Variants in SLC35F4 observed in about 807,000 individuals in gnomAD.
SLC35F4 encodes chromosome 14 open reading frame 36.
SLC35F4 carries 24 observed loss-of-function variants against 44.2 expected under a neutral mutation model. The ratio of observed to expected loss-of-function variants is 0.54; its 90% confidence interval spans 0.39 to 0.76. SLC35F4 has a LOEUF of 0.76. Among genes scored for constraint, SLC35F4 ranks in the 30% least tolerant of loss-of-function variants. The pLI, the probability that SLC35F4 is intolerant of heterozygous loss-of-function variation, is 0.00. For synonymous variants in SLC35F4, 238 were observed against 223.6 expected, an observed-to-expected ratio of 1.06 and a Z score of -0.57; for missense variants, 562 against 586.1, an observed-to-expected ratio of 0.96 and a Z score of 0.42.
chr14:57,589,572 T>C lies in SLC35F4; in HGVS notation c.290-59A>G, dbSNP rs2070025157. The C allele has an allele frequency of 7.5e-6, 11 of 1,475,380 alleles. No homozygotes were observed. In the East Asian group the frequency reaches 2.5e-4, roughly 34 times the overall value. The allele number at this position is 1,475,380 out of a possible 1,614,324, so 91.4% of individuals were successfully genotyped here. On this transcript the variant is annotated intron_variant, in intron 2 of 7. Coordinates refer to ENST00000556826, the MANE Select transcript of SLC35F4 (RefSeq NM_001306087.2). ...AGCAGGTTATGAAACAGCAATCAAA[T>C]ATATCAGCTCCTTAAAAAAGATGGA...
At chr14:57,632,269 T>C (rs938096937) in intron 1 of SLC35F4, among the ~76,000 whole-genome samples, 3 of 152,098 alleles carry the variant, frequency 2.0e-5, no homozygotes, top group African/African-American at 7.2e-5. Flanking sequence ...TTTTCTTTCT[T>C]ATAGAAGCCT....
chr14:57,897,442 C>A (rs550938802), intron 1 of SLC35F4, among the ~76,000 whole-genome samples: 4 of 152,030 alleles, frequency 2.6e-5, no homozygotes, highest in African/African-American at 9.6e-5. Flanking sequence ...CACAAACCAT[C>A]CTTTATGATA....
chr14:57,791,703 T>G (rs1041372353), intron 1 of SLC35F4, among the ~76,000 whole-genome samples: 1 of 152,120 alleles, frequency 6.6e-6, no homozygotes, highest in Non-Finnish European at 1.5e-5. Context: ...AGCAAAGACT[T>G]GGAACCAACC....
chr14:57,779,493 G>A (rs2077567167), intron 1 of SLC35F4, among the ~76,000 whole-genome samples: 1 of 149,786 alleles, frequency 6.7e-6, no homozygotes, highest in South Asian at 2.1e-4. Flanking sequence ...AGTAATAAAT[G>A]TACCAGATGT....
intron 1 of SLC35F4, among the ~76,000 whole-genome samples, chr14:57,601,142 T>C (rs1308633882): frequency 1.3e-5 from 2 of 151,954 alleles, no homozygotes; most frequent in African/African-American, 2.4e-5. Context: ...ATATTATCTA[T>C]ATTTTTGTAT....
chr14:57,879,475 A>G (rs1888472984), intron 1 of SLC35F4, among the ~76,000 whole-genome samples: 1 of 151,804 alleles, frequency 6.6e-6, no homozygotes, highest in African/African-American at 2.4e-5. Flanking sequence ...TCTTACCTCC[A>G]CCTCAGTCTG....
At chr14:57,784,324 G>A (rs1360642876) in intron 1 of SLC35F4, among the ~76,000 whole-genome samples, 1 of 152,166 alleles carries the variant, frequency 6.6e-6, no homozygotes, top group African/African-American at 2.4e-5. Flanking sequence ...TTACAACATA[G>A]ACCTTTTGTG....
intron 1 of SLC35F4, among the ~76,000 whole-genome samples, chr14:57,821,849 G>A (rs1280737187): frequency 6.6e-6 from 1 of 152,162 alleles, no homozygotes. Flanking sequence ...CAGTTCTGAG[G>A]AGGCCAGCAT....
chr14:57,966,483 A>ATTT (rs776405865), intron 1 of SLC35F4, among the ~76,000 whole-genome samples: 40,260 of 151,986 alleles, frequency 0.26, 5,771 homozygotes, highest in African/African-American at 0.4. Context: ...ATCACAAAAG[A>ATTT]AACAGTGTTG....
At chr14:57,585,515 T>C (rs188948258) in intron 3 of SLC35F4, among the ~76,000 whole-genome samples, 7 of 152,004 alleles carry the variant, frequency 4.6e-5, no homozygotes, top group Non-Finnish European at 5.9e-5. Flanking sequence ...GAGAAAAAAA[T>C]AAAGGGTATC....
At chr14:57,935,811 C>T (rs1889784975) in intron 1 of SLC35F4, among the ~76,000 whole-genome samples, 1 of 152,120 alleles carries the variant, frequency 6.6e-6, no homozygotes, top group African/African-American at 2.4e-5. Context: ...GTTACAAATG[C>T]TTTGCACTAG....
At chr14:57,920,654 C>T (rs1169586505) in intron 1 of SLC35F4, among the ~76,000 whole-genome samples, 1 of 152,220 alleles carries the variant, frequency 6.6e-6, no homozygotes, top group Non-Finnish European at 1.5e-5. Flanking sequence ...TCCAACTAAT[C>T]CAGTCAACAT....
intron 1 of SLC35F4, among the ~76,000 whole-genome samples, chr14:57,824,809 A>T (rs1280208686): frequency 6.6e-6 from 1 of 152,152 alleles, no homozygotes; most frequent in Non-Finnish European, 1.5e-5. Flanking sequence ...GGAAGTGTAG[A>T]TTATTCAGGG....
intron 1 of SLC35F4, among the ~76,000 whole-genome samples, chr14:57,971,397 G>A (rs1055450120): frequency 3.3e-5 from 5 of 152,188 alleles, no homozygotes; most frequent in Admixed American, 1.3e-4. Flanking sequence ...TAAACTTTGA[G>A]TACATTACTC....
rs144977621 is a variant in SLC35F4 at position 57,791,122 on chromosome 14, A to G, written c.103+74601T>C. ...CCAAAAGCAATGGCAACAAAAGCCA[A>G]AATTGACAAATGGGATCTAATTAAA... On this transcript the variant is annotated intron_variant, in intron 1 of 7. Coordinates refer to ENST00000556826, the MANE Select transcript of SLC35F4 (RefSeq NM_001306087.2). Among the ~76,000 whole-genome samples, 62 of 152,374 alleles carry G rather than the reference A, an allele frequency of 4.1e-4. 1 individual carries two copies. Among genetic ancestry groups the G allele is most frequent in the African/African-American group, 1.3e-3 (55 of 41,594 alleles).
At chr14:57,678,481 C>G (rs1197142640) in intron 1 of SLC35F4, among the ~76,000 whole-genome samples, 2 of 151,980 alleles carry the variant, frequency 1.3e-5, no homozygotes, top group Non-Finnish European at 2.9e-5. Flanking sequence ...AAATAACCAG[C>G]TAGCATCATA....
chr14:57,573,132 G>T (rs545061438), intron 4 of SLC35F4, among the ~76,000 whole-genome samples: 205 of 152,218 alleles, frequency 1.3e-3, no homozygotes, highest in African/African-American at 4.7e-3. Context: ...CACTATTAGT[G>T]AATTGTTTTT....
chr14:57,893,278 T>C (rs867072525), intron 1 of SLC35F4, among the ~76,000 whole-genome samples: 2 of 152,192 alleles, frequency 1.3e-5, no homozygotes, highest in Admixed American at 1.3e-4. Context: ...TCGATATATT[T>C]ATCTATGGAA....
At chr14:57,727,013 A>C (rs1184330797) in intron 1 of SLC35F4, among the ~76,000 whole-genome samples, 4 of 152,030 alleles carry the variant, frequency 2.6e-5, no homozygotes, top group Non-Finnish European at 4.4e-5. Flanking sequence ...TCGGACTCCA[A>C]GTTCTTCAGT....
Sources: gnomAD v4.1 joint callset for allele counts (sites outside exome capture counted in the v4.1 genomes callset) on GRCh38, gnomAD v4.1.1 for gene constraint, MANE v1.5 for transcripts, NCBI Gene and HGNC (gene_info 2026-07-23, HGNC 2026-07-21) for gene names.